The following ABCA3 variants were observed in gnomAD, a reference collection of about 807,000 sequenced individuals.
ABCA3 encodes phospholipid-transporting ATPase ABCA3.
ABCA3 carries 88 observed loss-of-function variants against 172.8 expected under a neutral mutation model. That is an observed-to-expected ratio of 0.51 (90% CI 0.43 to 0.61). ABCA3 has a LOEUF of 0.61. Ranked by LOEUF, ABCA3 falls within the 20% of genes least tolerant of loss-of-function variation. The probability of loss-of-function intolerance (pLI) is 0.00; values close to 1 mark genes in which losing one functional copy is unlikely to be tolerated. For synonymous variants in ABCA3, 1,066 were observed against 983.8 expected (o/e 1.08, Z -1.56); for missense variants, 2,164 against 2,301.0 (o/e 0.94, Z 1.22).
chr16:2,305,280 C>A (rs2141716905), intron 11 of ABCA3, among the ~76,000 whole-genome samples: 2 of 151,934 alleles, frequency 1.3e-5, no homozygotes, highest in South Asian at 4.2e-4. Flanking sequence ...ATTACGGGAG[C>A]ACGTCACCAC....
At chr16:2,335,145 T>C (rs1254860206) in intron 1 of ABCA3, among the ~76,000 whole-genome samples, 2 of 151,902 alleles carry the variant, frequency 1.3e-5, no homozygotes, top group African/African-American at 4.8e-5. Context: ...ATTATTAATA[T>C]ATAAAAAAAG....
At chr16:2,331,392 T>G (rs943278415) in intron 1 of ABCA3, among the ~76,000 whole-genome samples, 16 of 152,018 alleles carry the variant, frequency 1.1e-4, no homozygotes, top group African/African-American at 3.9e-4. Context: ...AGAGACGGAG[T>G]TTTGCCATGT....
chr16:2,339,084 G>A (rs905868143), intron 1 of ABCA3: 5 of 152,200 alleles, frequency 3.3e-5, no homozygotes, highest in African/African-American at 1.2e-4. Flanking sequence ...TGTGCACAAG[G>A]CCTTCCCCGT....
At chr16:2,293,882 A>G (rs1447681678) in intron 18 of ABCA3, among the ~76,000 whole-genome samples, 1 of 151,712 alleles carries the variant, frequency 6.6e-6, no homozygotes, top group Non-Finnish European at 1.5e-5. Flanking sequence ...GGGTCTCACT[A>G]TGTCGCCCAA....
At chr16:2,304,990 T>C (rs1005549748) in intron 11 of ABCA3, among the ~76,000 whole-genome samples, 5 of 151,990 alleles carry the variant, frequency 3.3e-5, no homozygotes, top group African/African-American at 9.6e-5. Context: ...TTTTTTGTAT[T>C]TTAGTAGAGA....
intron 26 of ABCA3, among the ~76,000 whole-genome samples, chr16:2,282,012 ACTC>A (rs1396609744): frequency 1.3e-5 from 2 of 151,930 alleles, no homozygotes; most frequent in African/African-American, 4.8e-5. Context: ...CTGGTCTAGA[ACTC>A]CTGACCTTTG....
chr16:2,287,986 G>A lies in ABCA3; in HGVS notation c.3004+40C>T, dbSNP rs1034980684. Reference sequence around the variant, plus strand: ...AAGGCGAACTCTGGCTGCAGGACTGGCCCCCGATGCCCCCGTCCCGCCCCC... The same window carrying A: ...AAGGCGAACTCTGGCTGCAGGACTGACCCCCGATGCCCCCGTCCCGCCCCC... On this transcript the variant is annotated intron_variant, in intron 21 of 32. Coordinates refer to ENST00000301732, the MANE Select transcript of ABCA3 (RefSeq NM_001089.3). The surrounding 1 kb of genome is among the most constrained non-coding windows in gnomAD (Gnocchi z 4.1). 1.3e-6 allele frequency: 2 copies of A among 1,594,534 alleles called. No homozygotes were observed. Among genetic ancestry groups the A allele is most frequent in the South Asian group, 2.2e-5 (2 of 90,838 alleles).
chr16:2,290,916 G>A (rs1248253583), intron 19 of ABCA3, among the ~76,000 whole-genome samples: 2 of 152,142 alleles, frequency 1.3e-5, no homozygotes, highest in East Asian at 1.9e-4. Context: ...GTCCCCCAGG[G>A]TGGAGTGCAG....
intron 8 of ABCA3, 28 bp downstream of exon 8, chr16:2,319,553 G>T (rs1463238638): frequency 1.2e-6 from 2 of 1,606,600 alleles, no homozygotes; most frequent in Non-Finnish European, 8.5e-7. Context: ...GGTTTCTAGA[G>T]TGTTGGGGAG....
In ABCA3 at chr16:2,276,778, C is replaced by G. The variant is rs1567334990; in HGVS notation, c.5011G>C (p.Glu1671Gln). The change falls in exon 33 of 33, where the codon GAA becomes CAA. Residue 1671 changes from glutamate to glutamine, a missense_variant. By Grantham distance (29) the Glu-to-Gln change is conservative. Transcript: ENST00000301732. ...KVFGILEKAK[E>Q]KYGVDDYSVS... Reference sequence around the variant, plus strand: ...GAGTAGTCGTCCACGCCGTACTTTTCCTTGGCTTTCTCCAGAATACCGAAA... The same window carrying G: ...GAGTAGTCGTCCACGCCGTACTTTTGCTTGGCTTTCTCCAGAATACCGAAA... The G allele has an allele frequency of 7.4e-6, 12 of 1,613,982 alleles. No homozygotes were observed. The highest frequency in any genetic ancestry group is 1.0e-5 in the Non-Finnish European group (12 of 1,180,036).
chr16:2,308,762 C>A, intron 10 of ABCA3, 139 bp from the exon 11 acceptor site: 2 of 929,940 alleles, frequency 2.2e-6, no homozygotes, highest in Non-Finnish European at 1.7e-6. Context: ...CTACACGGGA[C>A]ACAAGCTCCA....
At position 2,319,906 on chromosome 16, in the gene ABCA3, G is replaced by A. The variant is rs533021032; in HGVS notation, c.614-66C>T. On this transcript the variant is annotated intron_variant, in intron 7 of 32. Transcript: ENST00000301732. ...GCTGCTCTCGAGGGCAGAGGGCCAC[G>A]TGCATGGGGTCCATGGGGGAAGAGA... 61 of 1,599,314 alleles carry A rather than the reference G, an allele frequency of 3.8e-5. No individual in the cohort carries two copies. The African/African-American group carries it at 6.4e-4, about 17-fold the overall frequency.
At chr16:2,332,394 C>A in intron 1 of ABCA3, 1 of 1,126,174 alleles carries the variant, frequency 8.9e-7, no homozygotes, top group Non-Finnish European at 1.3e-6. Flanking sequence ...GATCAGCTAC[C>A]AGCAGGGTCC....
At chr16:2,328,183 C>T (rs1265328037) in intron 3 of ABCA3, among the ~76,000 whole-genome samples, 3 of 152,146 alleles carry the variant, frequency 2.0e-5, no homozygotes, top group African/African-American at 7.2e-5. Context: ...GAGCTTAGAT[C>T]TGTAAAGGTA....
At chr16:2,301,676 C>T (rs1398728085) in intron 12 of ABCA3, among the ~76,000 whole-genome samples, 1 of 150,740 alleles carries the variant, frequency 6.6e-6, no homozygotes, top group Non-Finnish European at 1.5e-5. Flanking sequence ...CGCCACTGGA[C>T]TCCAGCCTGG....
chr16:2,290,065 C>A (rs1009534361), intron 19 of ABCA3, among the ~76,000 whole-genome samples: 8 of 151,952 alleles, frequency 5.3e-5, no homozygotes, highest in African/African-American at 1.9e-4. Context: ...CAGGAGGCAC[C>A]CCCCGGCTGG....
intron 3 of ABCA3, among the ~76,000 whole-genome samples, chr16:2,328,075 T>C (rs565728247): frequency 2.8e-4 from 43 of 152,182 alleles, no homozygotes; most frequent in African/African-American, 9.4e-4. Context: ...AAATAATCTA[T>C]CCTATATTAT....
At chr16:2,295,172 A>T (rs2141704933) in intron 18 of ABCA3, among the ~76,000 whole-genome samples, 1 of 152,276 alleles carries the variant, frequency 6.6e-6, no homozygotes, top group Admixed American at 6.5e-5. Context: ...TGTGTGAGAC[A>T]GTGATGAGCA....
rs766605557 is a variant in ABCA3, at chr16:2,319,803, A to G, written c.651T>C (p.Ala217=). The change falls in exon 8 of 33, where the codon GCT becomes GCC. Residue 217 remains alanine (A), a synonymous_variant. Transcript: ENST00000301732. ...IREGFLAVQH[A]VDRAIMEYHA... ...GGTACTCCATGATGGCCCGGTCCAC[A>G]GCATGCTGCACGGCCAGGAAGCCTT... The G allele has an allele frequency of 3.7e-6, 6 of 1,613,898 alleles. No individual in the cohort carries two copies. The Admixed American group carries it at 1.0e-4, about 27-fold the overall frequency.
Sources: gnomAD v4.1 joint callset for allele counts (sites outside exome capture counted in the v4.1 genomes callset) on GRCh38, gnomAD v4.1.1 for gene constraint, Gnocchi (gnomAD v3.1) non-coding constraint, MANE v1.5 for transcripts, NCBI Gene and HGNC (gene_info 2026-07-23, HGNC 2026-07-21) for gene names.